SETD4: variants seen among roughly 807,000 people sequenced by gnomAD.
SETD4 encodes the protein SET domain containing 4.
In SETD4, 46 loss-of-function variants were observed where a neutral mutation model predicts 58.3. The ratio of observed to expected loss-of-function variants is 0.79; its 90% CI spans 0.62 to 1.01. The LOEUF (loss-of-function observed/expected upper bound fraction) is 1.01, where lower values mean the gene tolerates loss of function less well. Ranked by LOEUF, SETD4 falls within the 50% of genes least tolerant of loss-of-function variation. The probability of loss-of-function intolerance (pLI) is 0.00; values close to 1 mark genes in which losing one functional copy is unlikely to be tolerated. For missense variants in SETD4, 490 were observed against 523.3 expected, an observed-to-expected ratio of 0.94 and a Z score of 0.62; for synonymous variants, 190 against 202.6, an observed-to-expected ratio of 0.94 and a Z score of 0.53.
intron 4 of SETD4, chr21:36,052,890 T>G (rs1459216282): frequency 1.3e-5 from 2 of 152,142 alleles, no homozygotes; most frequent in Non-Finnish European, 2.9e-5. Flanking sequence ...TGAGGCCTCA[T>G]CCTCCCCTAG....
At chr21:36,056,963 CA>C in intron 3 of SETD4, 145 bp downstream of exon 3, 1 of 674,862 alleles carries the variant, frequency 1.5e-6, no homozygotes, top group Non-Finnish European at 2.7e-6. Flanking sequence ...TGGCCATACA[CA>C]GGGGACTCCT....
In SETD4 at chr21:36,046,349, A is replaced by G. The variant is rs114355615; in HGVS notation, c.297-338T>C. Reference sequence around the variant, plus strand: ...GTTGTAAACCTTTTGACCTAAGTCCATTTGTCTCACCTATGTAAAGATATA... The same window carrying G: ...GTTGTAAACCTTTTGACCTAAGTCCGTTTGTCTCACCTATGTAAAGATATA... On this transcript the variant is annotated intron_variant, in intron 5 of 11. Coordinates refer to ENST00000332131, the MANE Select transcript of SETD4 (RefSeq NM_017438.5). Among the ~76,000 whole-genome samples, 672 of 152,352 alleles carry G rather than the reference A, an allele frequency of 4.4e-3. 7 individuals carry two copies. The highest frequency in any genetic ancestry group is 0.016 in the African/African-American group (652 of 41,576).
chr21:36,039,111 G>C (rs569949626), intron 9 of SETD4, among the ~76,000 whole-genome samples: 4 of 152,316 alleles, frequency 2.6e-5, no homozygotes, highest in African/African-American at 9.6e-5. Context: ...TTTCAGAGAT[G>C]ACAGGTGAAA....
Position 36,045,994 on chromosome 21 carries a change from G to T in SETD4, c.314C>A (p.Ser105Tyr). 6.2e-7 allele frequency: 1 copy of T among 1,612,524 alleles called. No individual in the cohort carries two copies. The highest frequency in any genetic ancestry group is 8.5e-7 in the Non-Finnish European group (1 of 1,179,352). ...AYITKWKPPP[S>Y]PLLALCTFLV... is the part of the protein sequence containing the mutation. ...AAAGGTGCACAGCGCCAGCAGAGGA[G>T]ATGGAGGAGGCTTCCACCTTTGAAA... Residue 105 changes from serine (S) to tyrosine (Y), a missense_variant, in exon 6 of 12, where the codon TCT (serine) becomes TAT (tyrosine). By Grantham distance (144) the Ser-to-Tyr change is moderately radical (BLOSUM62 -2). Coordinates refer to ENST00000332131, the MANE Select transcript of SETD4 (RefSeq NM_017438.5).
In SETD4 at chr21:36,047,772, C is replaced by G. The variant is rs34035475; in HGVS notation, c.296+536G>C. On this transcript the variant is annotated intron_variant, in intron 5 of 11. Coordinates refer to ENST00000332131, the MANE Select transcript of SETD4 (RefSeq NM_017438.5). ...TTGGGAGGCTGAGGCGAGTGGATCA[C>G]AAGGTCAGGAGCTCAAGACGAGCCT... Among the ~76,000 whole-genome samples, 509 of 135,082 alleles carry G rather than the reference C, an allele frequency of 3.8e-3. 3 individuals are homozygous for G. Among genetic ancestry groups the G allele is most frequent in the Middle Eastern group, 0.014 (3 of 210 alleles). The allele number at this position is 135,082 out of a possible 152,430, so 88.6% of individuals were successfully genotyped here.
Position 36,045,813 on chromosome 21 carries a change from G to T in SETD4, c.495C>A (p.His165Gln), listed in dbSNP as rs767191061. ...LKAKAEEQRA[H>Q]VQEFFASSRD... ...TGGAGGAAGCAAAGAACTCCTGCACGTGGGCTCTCTGCTCTTCAGCCTTTG... is the reference window on the plus strand; with the variant it reads ...TGGAGGAAGCAAAGAACTCCTGCACTTGGGCTCTCTGCTCTTCAGCCTTTG... The change falls in exon 6 of 12, where the codon CAC becomes CAA. Residue 165 changes from histidine (H) to glutamine (Q), a missense_variant. Physicochemically the swap from His to Gln is conservative, Grantham distance 24 (BLOSUM62 0). Transcript: ENST00000332131. 1 of 1,614,218 alleles carries T rather than the reference G, an allele frequency of 6.2e-7. No individual in the cohort carries two copies. Among genetic ancestry groups the T allele is most frequent in the Non-Finnish European group, 8.5e-7 (1 of 1,180,046 alleles).
chr21:36,050,567 G>C, intron 4 of SETD4: 5 of 1,614,040 alleles, frequency 3.1e-6, no homozygotes, highest in Non-Finnish European at 4.2e-6. Flanking sequence ...ATAAGTTCTG[G>C]ACATTTCAAG....
At chr21:36,056,619 C>T (rs1435243660) in intron 3 of SETD4, among the ~76,000 whole-genome samples, 1 of 152,162 alleles carries the variant, frequency 6.6e-6, no homozygotes. Flanking sequence ...AGTGCAGGGG[C>T]ATGATCATGG....
Position 36,060,024 on chromosome 21 carries a change from C to T in SETD4, c.-37+323G>A, listed in dbSNP as rs540006969. The T allele has an allele frequency of 1.3e-5, 13 of 985,480 alleles. No homozygotes were observed. The South Asian group carries it at 5.6e-4, about 43-fold the overall frequency. The allele number at this position is 985,480 out of a possible 1,614,324, so 61.0% of individuals were successfully genotyped here. A position where few individuals can be genotyped will look rare whatever the true frequency, so the allele number is the denominator to read the frequency against. On this transcript the variant is annotated intron_variant, in intron 1 of 11. Coordinates refer to ENST00000332131, the MANE Select transcript of SETD4 (RefSeq NM_017438.5). ...CAGGCACCGTCCCCGCCCCCATAGT[C>T]CTCAAACTCTAGCCGTGAGGCCGTC... is the stretch of plus-strand genomic sequence containing the variant.
chr21:36,052,545 A>G, intron 4 of SETD4, among the ~76,000 whole-genome samples: 1 of 149,196 alleles, frequency 6.7e-6, no homozygotes, highest in Non-Finnish European at 1.5e-5. Context: ...GCAACAGAGC[A>G]AGACTCTGTC....
Position 36,058,778 on chromosome 21 carries a change from T to G in SETD4, c.73+38A>C, listed in dbSNP as rs754449240. On this transcript the variant is annotated intron_variant, in intron 2 of 11. Transcript: ENST00000332131. ...AACAAACAAGCAATCACAAAAGGAT[T>G]TCTTTTTTCATTACTGGTACTAAAA... is the stretch of plus-strand genomic sequence containing the variant. The G allele has an allele frequency of 1.9e-6, 3 of 1,559,080 alleles. No homozygotes were observed. In the East Asian group the frequency reaches 6.9e-5, roughly 36 times the overall value.
At chr21:36,051,557 T>A (rs2064688156) in intron 4 of SETD4, among the ~76,000 whole-genome samples, 3 of 152,244 alleles carry the variant, frequency 2.0e-5, no homozygotes, top group Admixed American at 1.3e-4. Context: ...GATGTTACTT[T>A]CATTTACAAA....
At chr21:36,037,289 T>TATAC (rs35353247) in intron 10 of SETD4, among the ~76,000 whole-genome samples, 63,678 of 151,670 alleles carry the variant, frequency 0.42, 13,399 homozygotes, top group Admixed American at 0.46. Flanking sequence ...ACTATAAATA[T>TATAC]ATACAATTTT....
chr21:36,050,583 G>A (rs1003593815), intron 4 of SETD4: 1 of 1,613,828 alleles, frequency 6.2e-7, no homozygotes, highest in African/African-American at 1.3e-5. Flanking sequence ...TCAAGAGTTG[G>A]CTGGCCATGG....
intron 10 of SETD4, among the ~76,000 whole-genome samples, chr21:36,037,275 G>A (rs2063824265): frequency 7.4e-6 from 1 of 135,852 alleles, no homozygotes; most frequent in Non-Finnish European, 1.6e-5. Flanking sequence ...ACATCATGTA[G>A]TCCACTATAA....
At chr21:36,058,987 C>T (rs1454602011) in intron 1 of SETD4, 63 bp from the exon 2 acceptor site, 1 of 1,447,344 alleles carries the variant, frequency 6.9e-7, no homozygotes, top group African/African-American at 1.4e-5. Context: ...AAATAAAAAA[C>T]ATTTCTTTGA....
In SETD4 at chr21:36,045,889, G is replaced by C; in HGVS notation, c.419C>G (p.Pro140Arg). The C allele has an allele frequency of 6.2e-7, 1 of 1,614,224 alleles. No homozygotes were observed. The highest frequency in any genetic ancestry group is 8.5e-7 in the Non-Finnish European group (1 of 1,180,048). ...CACCACTTCCGGCTCCAAACAAACA[G>C]GGCAGGTATACGCCTTGGGTAAAAT... ...LEILPKAYTC[P>R]VCLEPEVVNL... The change falls in exon 6 of 12, where the codon CCT becomes CGT. Residue 140 changes from proline (P) to arginine (R), a missense_variant. Transcript: ENST00000332131.
chr21:36,043,636 GTAAGGCTAGGCCTACC>G, intron 7 of SETD4, 130 bp downstream of exon 7: 2 of 1,433,772 alleles, frequency 1.4e-6, no homozygotes, highest in Non-Finnish European at 1.8e-6. Context: ...GCCAGTAAGA[GTAAGGCTAGGCCTACC>G]TAGAAGAAAA....
At position 36,045,638 on chromosome 21, in the gene SETD4, C is replaced by T. The variant is rs2064284655; in HGVS notation, c.670G>A (p.Asp224Asn). The T allele has an allele frequency of 1.9e-6, 3 of 1,614,118 alleles. No homozygotes were observed. Among genetic ancestry groups the T allele is most frequent in the Non-Finnish European group, 2.5e-6 (3 of 1,179,984 alleles). Residue 224 changes from aspartate (D) to asparagine (N), a missense_variant, in exon 6 of 12, where the codon GAC (aspartate) becomes AAC (asparagine). Coordinates refer to ENST00000332131, the MANE Select transcript of SETD4 (RefSeq NM_017438.5). ...RQRECLSAEP[D>N]TCALAPYLDL... ...AGGTACGGAGCGAGTGCACAGGTGT[C>T]CGGCTCTGCAGAAAGGCATTCCCGC...
Sources: allele counts gnomAD v4.1 joint callset (sites outside exome capture counted in the v4.1 genomes callset), GRCh38; gene constraint gnomAD v4.1.1; transcripts MANE v1.5; gene names NCBI Gene and HGNC (gene_info 2026-07-23, HGNC 2026-07-21).